The following ERBB4 variants were observed in gnomAD, a reference collection of about 807,000 sequenced individuals.
The protein encoded by ERBB4 is receptor tyrosine-protein kinase erbB-4.
Under a neutral mutation model 158.0 loss-of-function variants are expected in ERBB4, and 42 were observed. The ratio of observed to expected loss-of-function variants is 0.27; its 90% CI spans 0.21 to 0.34. ERBB4 has a LOEUF of 0.34. ERBB4 is among the 10% of genes least tolerant of loss of function. The probability of loss-of-function intolerance (pLI) is 1.00; values close to 1 mark genes in which losing one functional copy is unlikely to be tolerated. For synonymous variants in ERBB4, 583 were observed against 558.7 expected (o/e 1.04, Z -0.61); for missense variants, 1,333 against 1,624.1 (o/e 0.82, Z 3.08).
intron 5 of ERBB4, among the ~76,000 whole-genome samples, chr2:211,725,798 T>G (rs1466046347): frequency 1.3e-5 from 2 of 150,836 alleles, no homozygotes; most frequent in African/African-American, 2.4e-5. Flanking sequence ...TTAAGTTAAT[T>G]CACATAATAT....
chr2:211,819,982 C>T (rs928021318), intron 3 of ERBB4, among the ~76,000 whole-genome samples: 4 of 151,768 alleles, frequency 2.6e-5, no homozygotes, highest in African/African-American at 9.7e-5. Flanking sequence ...ATGAGACCCA[C>T]CAGATTGGGA....
At chr2:212,197,269 C>T (rs189168557) in intron 1 of ERBB4, among the ~76,000 whole-genome samples, 248 of 152,222 alleles carry the variant, frequency 1.6e-3, no homozygotes, top group East Asian at 3.3e-3. Flanking sequence ...TATGAAGATT[C>T]GCAATAAGTG....
At chr2:212,518,603 A>T (rs1691968958) in intron 1 of ERBB4, among the ~76,000 whole-genome samples, 1 of 152,050 alleles carries the variant, frequency 6.6e-6, no homozygotes, top group Non-Finnish European at 1.5e-5. Flanking sequence ...TGGTACCACA[A>T]GCCCCTATTA....
chr2:211,989,596 T>C (rs1308024683), intron 2 of ERBB4, among the ~76,000 whole-genome samples: 2 of 151,944 alleles, frequency 1.3e-5, no homozygotes, highest in Admixed American at 1.3e-4. Context: ...GAAACTCTTT[T>C]ACCAAGACCA....
chr2:211,823,121 A>G (rs1325676702), intron 3 of ERBB4, among the ~76,000 whole-genome samples: 1 of 151,992 alleles, frequency 6.6e-6, no homozygotes, highest in African/African-American at 2.4e-5. Flanking sequence ...CAAGCCCTGT[A>G]TAAATCACCA....
At chr2:212,149,154 TTAA>T (rs879347933) in intron 1 of ERBB4, among the ~76,000 whole-genome samples, 113 of 131,420 alleles carry the variant, frequency 8.6e-4, no homozygotes, top group Non-Finnish European at 1.4e-3. Context: ...ACCCTAAAAC[TTAA>T]AATATAATAA....
chr2:212,239,227 A>T (rs1210023345), intron 1 of ERBB4, among the ~76,000 whole-genome samples: 2 of 152,152 alleles, frequency 1.3e-5, no homozygotes, highest in Non-Finnish European at 1.5e-5. Flanking sequence ...TTTTATTTAA[A>T]AGGCAGGATC....
chr2:212,073,572 A>C (rs2125450261), intron 2 of ERBB4, among the ~76,000 whole-genome samples: 1 of 152,102 alleles, frequency 6.6e-6, no homozygotes, highest in African/African-American at 2.4e-5. Flanking sequence ...GTTCTCATTC[A>C]CCTGATAGTG....
chr2:211,821,065 CATAA>C (rs750222126), intron 3 of ERBB4, among the ~76,000 whole-genome samples: 2 of 151,628 alleles, frequency 1.3e-5, no homozygotes, highest in Admixed American at 6.6e-5. Flanking sequence ...TAGCAAGAGA[CATAA>C]ATAAAGGACA....
At chr2:211,873,876 T>C (rs1389364420) in intron 3 of ERBB4, among the ~76,000 whole-genome samples, 45 of 149,810 alleles carry the variant, frequency 3.0e-4, no homozygotes, top group African/African-American at 6.1e-4. Flanking sequence ...ATAATAGATA[T>C]AGATACTCTG....
intron 9 of ERBB4, among the ~76,000 whole-genome samples, chr2:211,709,235 G>GTGTATATATATATATACACATATA (rs1243715958): frequency 1.6e-4 from 17 of 103,218 alleles, no homozygotes; most frequent in African/African-American, 6.9e-4. Flanking sequence ...GCGTGTGTGT[G>GTGTATATATATATATACACATATA]TATATATATA....
intron 1 of ERBB4, among the ~76,000 whole-genome samples, chr2:212,457,745 G>A (rs1688371471): frequency 6.6e-6 from 1 of 151,882 alleles, no homozygotes; most frequent in Non-Finnish European, 1.5e-5. Context: ...TAACTTCCTG[G>A]TAAAGAGTAT....
intron 25 of ERBB4, among the ~76,000 whole-genome samples, chr2:211,406,115 G>A (rs901815442): frequency 6.6e-6 from 1 of 152,248 alleles, no homozygotes; most frequent in Admixed American, 6.5e-5. Context: ...GTCTGACTTT[G>A]CCATGCCCCT....
At chr2:211,811,459 T>C (rs2105916762) in intron 3 of ERBB4, among the ~76,000 whole-genome samples, 1 of 152,182 alleles carries the variant, frequency 6.6e-6, no homozygotes, top group East Asian at 1.9e-4. Context: ...TTTTGTTTCA[T>C]TTCAACCTTG....
intron 20 of ERBB4, among the ~76,000 whole-genome samples, chr2:211,492,588 A>G (rs1227294534): frequency 6.6e-6 from 1 of 152,026 alleles, no homozygotes. Context: ...ATGATGGGCA[A>G]AATAAGTTTG....
intron 1 of ERBB4, among the ~76,000 whole-genome samples, chr2:212,219,621 A>G (rs2083223676): frequency 6.6e-6 from 1 of 151,278 alleles, no homozygotes; most frequent in Admixed American, 6.6e-5. Flanking sequence ...CCTTGTATGC[A>G]GCATTCCTCT....
chr2:211,442,086 C>G lies in ERBB4; in HGVS notation c.2488-10986G>C, dbSNP rs564848712. Among the ~76,000 whole-genome samples the G allele has an allele frequency of 2.0e-5, 3 of 152,254 alleles. No individual in the cohort carries two copies. The East Asian group carries it at 5.8e-4, about 29-fold the overall frequency. ...AAAGCCCACAAGCAACTTGACTCTG[C>G]TTGGCCCTCCAGCTTCTTTTCTTGG... On this transcript the variant is annotated intron_variant, in intron 20 of 27. Transcript: ENST00000342788.
intron 16 of ERBB4, among the ~76,000 whole-genome samples, chr2:211,655,856 G>T (rs1165524164): frequency 6.6e-6 from 1 of 152,186 alleles, no homozygotes; most frequent in African/African-American, 2.4e-5. Context: ...AAGTGTCACA[G>T]TGCCACTGTT....
intron 2 of ERBB4, among the ~76,000 whole-genome samples, chr2:212,047,222 A>G (rs1336768396): frequency 1.3e-5 from 2 of 152,186 alleles, no homozygotes; most frequent in African/African-American, 2.4e-5. Context: ...TTTACAAATT[A>G]TCCAGCAATG....
Sources: gnomAD v4.1 joint callset for allele counts (sites outside exome capture counted in the v4.1 genomes callset) on GRCh38, gnomAD v4.1.1 for gene constraint, MANE v1.5 for transcripts, NCBI Gene and HGNC (gene_info 2026-07-23, HGNC 2026-07-21) for gene names.